ZFAND3: variants seen among roughly 807,000 people sequenced by gnomAD.
ZFAND3 encodes the protein zinc finger AN1-type containing 3, also known as AN1-type zinc finger protein 3.
ZFAND3 carries 10 observed loss-of-function variants against 29.6 expected under a neutral mutation model. The observed-to-expected ratio is 0.34, with a 90% CI of 0.21 to 0.57. The LOEUF (loss-of-function observed/expected upper bound fraction) is 0.57, where lower values mean the gene tolerates loss of function less well. Among genes scored for constraint, ZFAND3 ranks in the 20% least tolerant of loss-of-function variants. The pLI, the probability that ZFAND3 is intolerant of heterozygous loss-of-function variation, is 0.86. For synonymous variants in ZFAND3, 128 were observed against 112.6 expected, an observed-to-expected ratio of 1.14 and a Z score of -0.87; for missense variants, 230 against 304.5, an observed-to-expected ratio of 0.76 and a Z score of 1.82.
chr6:37,862,470 T>C (rs1764509952), intron 1 of ZFAND3, among the ~76,000 whole-genome samples: 1 of 151,032 alleles, frequency 6.6e-6, no homozygotes, highest in African/African-American at 2.4e-5. Context: ...GAGGATTGCT[T>C]GAGCCCAGGA....
intron 1 of ZFAND3, among the ~76,000 whole-genome samples, chr6:37,881,883 A>G (rs917289113): frequency 6.6e-6 from 1 of 152,170 alleles, no homozygotes; most frequent in Non-Finnish European, 1.5e-5. Context: ...GGATGCTAGT[A>G]TATGGTAAGA....
Position 38,065,263 on chromosome 6 carries a change from C to T in ZFAND3, c.295+3488C>T, listed in dbSNP as rs1325968406. On this transcript the variant is annotated intron_variant, in intron 3 of 5. Coordinates refer to ENST00000287218, the MANE Select transcript of ZFAND3 (RefSeq NM_021943.3). Reference sequence around the variant, plus strand: ...CCCGGGAGGTGAGGTTGCAGTGAGCCGAGATCACTCCACTGCACTCCAGCC... The same window carrying T: ...CCCGGGAGGTGAGGTTGCAGTGAGCTGAGATCACTCCACTGCACTCCAGCC... Among the ~76,000 whole-genome samples, 3 of 151,218 alleles carry T rather than the reference C, an allele frequency of 2.0e-5. No individual in the cohort carries two copies. In the East Asian group the frequency reaches 5.8e-4, roughly 29 times the overall value.
chr6:38,066,097 T>C (rs1281982004), intron 3 of ZFAND3, among the ~76,000 whole-genome samples: 8 of 152,206 alleles, frequency 5.3e-5, no homozygotes, highest in Admixed American at 3.3e-4. Flanking sequence ...TTTGCAAAGC[T>C]TTTTCAGGTC....
chr6:38,128,482 C>A (rs562852496), intron 5 of ZFAND3, among the ~76,000 whole-genome samples: 1 of 152,186 alleles, frequency 6.6e-6, no homozygotes, highest in Non-Finnish European at 1.5e-5. Context: ...TCCCTCACCC[C>A]CTTCCCACCC....
chr6:38,028,574 T>C (rs1230999103), intron 2 of ZFAND3, among the ~76,000 whole-genome samples: 1 of 152,236 alleles, frequency 6.6e-6, no homozygotes, highest in African/African-American at 2.4e-5. Context: ...ACTGCTGATC[T>C]GCTTGATTAG....
chr6:38,022,480 C>G (rs1763370711), intron 2 of ZFAND3, among the ~76,000 whole-genome samples: 1 of 152,174 alleles, frequency 6.6e-6, no homozygotes, highest in Non-Finnish European at 1.5e-5. Context: ...TAAGTCAGCT[C>G]TTTGCTGGTC....
At chr6:37,858,161 T>A (rs943720125) in intron 1 of ZFAND3, among the ~76,000 whole-genome samples, 4 of 152,200 alleles carry the variant, frequency 2.6e-5, no homozygotes, top group African/African-American at 9.6e-5. Context: ...GAGCCAAGTT[T>A]GACCCTAGGT....
chr6:38,107,658 T>G lies in ZFAND3; in HGVS notation c.362-8914T>G, dbSNP rs138488298. On this transcript the variant is annotated intron_variant, in intron 4 of 5. Transcript: ENST00000287218. ...ACCAGCCTGGGCAACATGGCAAAAC[T>G]CTGTCTCTACTAAAAATACAAAAAA... is the stretch of plus-strand genomic sequence containing the variant. Among the ~76,000 whole-genome samples, 109 of 152,094 alleles carry G rather than the reference T, an allele frequency of 7.2e-4. 4 individuals are homozygous for G. In the East Asian group the frequency reaches 0.021, roughly 29 times the overall value.
chr6:37,917,668 A>G (rs1761284480), intron 1 of ZFAND3, among the ~76,000 whole-genome samples: 1 of 152,200 alleles, frequency 6.6e-6, no homozygotes, highest in Admixed American at 6.5e-5. Flanking sequence ...AATAATTAAA[A>G]TAGGAAATGA....
intron 1 of ZFAND3, among the ~76,000 whole-genome samples, chr6:37,874,086 G>A (rs138278842): frequency 6.6e-6 from 1 of 152,274 alleles, no homozygotes; most frequent in African/African-American, 2.4e-5. Context: ...ATCAAGGTTT[G>A]TTGGCAGGGT....
At chr6:37,862,708 A>AAAAAC (rs542216872) in intron 1 of ZFAND3, among the ~76,000 whole-genome samples, 71 of 151,826 alleles carry the variant, frequency 4.7e-4, no homozygotes, top group Non-Finnish European at 8.2e-4. Flanking sequence ...TGTCTCTAAA[A>AAAAAC]AAAACAAAAC....
intron 2 of ZFAND3, 147 bp downstream of exon 2, chr6:37,930,146 CT>C: frequency 2.6e-6 from 2 of 765,100 alleles, no homozygotes; most frequent in Non-Finnish European, 3.9e-6. Flanking sequence ...GCAGTTTCAC[CT>C]TACCAAGGTG....
intron 5 of ZFAND3, among the ~76,000 whole-genome samples, chr6:38,131,457 G>A (rs1765740123): frequency 6.6e-6 from 1 of 152,188 alleles, no homozygotes; most frequent in African/African-American, 2.4e-5. Context: ...CCCCAAGTTA[G>A]ACCATACTGC....
intron 4 of ZFAND3, among the ~76,000 whole-genome samples, chr6:38,085,647 C>G (rs893866113): frequency 6.6e-6 from 1 of 151,696 alleles, no homozygotes; most frequent in African/African-American, 2.4e-5. Flanking sequence ...ATTATGTTGC[C>G]CAGACTGGTC....
chr6:38,115,879 C>A (rs1396010330), intron 4 of ZFAND3, among the ~76,000 whole-genome samples: 1 of 152,172 alleles, frequency 6.6e-6, no homozygotes, highest in East Asian at 1.9e-4. Flanking sequence ...TTTGGCTCCA[C>A]CTCAAGGTGG....
chr6:37,990,558 CAT>C (rs1762741651), intron 2 of ZFAND3, among the ~76,000 whole-genome samples: 1 of 151,934 alleles, frequency 6.6e-6, no homozygotes, highest in Non-Finnish European at 1.5e-5. Flanking sequence ...AAATATGTAA[CAT>C]AATTTTAAAA....
intron 3 of ZFAND3, among the ~76,000 whole-genome samples, chr6:38,076,705 G>T (rs913570211): frequency 3.3e-5 from 5 of 152,150 alleles, no homozygotes; most frequent in East Asian, 1.9e-4. Flanking sequence ...GTGTGTTGAA[G>T]AATTTCTGTA....
intron 2 of ZFAND3, among the ~76,000 whole-genome samples, chr6:38,047,787 C>T (rs957200143): frequency 1.3e-5 from 2 of 152,104 alleles, no homozygotes; most frequent in African/African-American, 2.4e-5. Flanking sequence ...AATGAAGATA[C>T]GTGGAGCAGA....
chr6:37,844,933 A>T (rs1042820364), intron 1 of ZFAND3, among the ~76,000 whole-genome samples: 135 of 151,440 alleles, frequency 8.9e-4, no homozygotes, highest in Non-Finnish European at 1.4e-3. Flanking sequence ...CTGAGGCAAG[A>T]GAATGGCATG....
Sources: allele counts gnomAD v4.1 joint callset (sites outside exome capture counted in the v4.1 genomes callset), GRCh38; gene constraint gnomAD v4.1.1; transcripts MANE v1.5; gene names NCBI Gene and HGNC (gene_info 2026-07-23, HGNC 2026-07-21).